Variants in MCL1 observed in about 807,000 individuals in gnomAD.
MCL1 encodes the protein induced myeloid leukemia cell differentiation protein Mcl-1.
Under a neutral mutation model 24.2 loss-of-function variants are expected in MCL1, and 4 were observed. The observed-to-expected ratio is 0.17, with a 90% CI of 0.08 to 0.38. The LOEUF (loss-of-function observed/expected upper bound fraction) is 0.38. MCL1 is among the 10% of genes least tolerant of loss of function. The pLI is 1.00. For missense variants in MCL1, 529 were observed against 480.3 expected, an observed-to-expected ratio of 1.10 and a Z score of -0.95; for synonymous variants, 248 against 214.0, an observed-to-expected ratio of 1.16 and a Z score of -1.39.
At chr1:150,578,671 A>G in intron 1 of MCL1, 172 bp downstream of exon 1, 1 of 1,027,036 alleles carries the variant, frequency 9.7e-7, no homozygotes, top group Non-Finnish European at 1.4e-6. Flanking sequence ...TTCCAAAAGA[A>G]TCAAGATGGG....
rs993300523 is a variant in MCL1, at chr1:150,575,914, C to A, written c.*1461G>T. 2.6e-5 allele frequency: 6 copies of A among 233,468 alleles called. No homozygotes were observed. The highest frequency in any genetic ancestry group is 5.1e-5 in the Non-Finnish European group (6 of 118,044). 14.5% of individuals were successfully genotyped at this position (233,468 alleles called of 1,614,324 possible). On this transcript the variant is annotated 3_prime_UTR_variant, in exon 3 of 3. Transcript: ENST00000369026. Reference sequence around the variant, plus strand: ...ATAGAACAAACATCAAGACTGAAATCCAAAGATGCCAATGCAAAAACTTGC... The same window carrying A: ...ATAGAACAAACATCAAGACTGAAATACAAAGATGCCAATGCAAAAACTTGC...
Position 150,575,545 on chromosome 1 carries a change from C to T in MCL1, c.*1830G>A, listed in dbSNP as rs1162098989. 1.3e-5 allele frequency: 3 copies of T among 233,000 alleles called. No individual in the cohort carries two copies. Among genetic ancestry groups the T allele is most frequent in the African/African-American group, 2.2e-5 (1 of 45,336 alleles). 14.4% of individuals were successfully genotyped at this position (233,000 alleles called of 1,614,324 possible). On this transcript the variant is annotated 3_prime_UTR_variant, in exon 3 of 3. Transcript: ENST00000369026. ...TGAAAATTCCTGAGGGGACTTTTGA[C>T]ACATTGCCCCCAAAGACAGGATAAA...
At position 150,579,458 on chromosome 1, in the gene MCL1, T is replaced by C. The variant is rs1647986714; in HGVS notation, c.73A>G (p.Ser25Gly). ...YCGGAGLGAG[S>G]GGATRPGGRL... Reference sequence around the variant, plus strand: ...CCTCCCGGGCGGGTGGCGCCGCCGCTGCCGGCCCCCAAGCCGGCCCCCCCA... The same window carrying C: ...CCTCCCGGGCGGGTGGCGCCGCCGCCGCCGGCCCCCAAGCCGGCCCCCCCA... The change falls in exon 1 of 3, where the codon AGC becomes GGC. Residue 25 changes from serine to glycine, a missense_variant. Ser to Gly is a moderately conservative substitution (Grantham distance 56). Transcript: ENST00000369026. 2.5e-6 allele frequency: 4 copies of C among 1,592,106 alleles called. No individual in the cohort carries two copies. The highest frequency in any genetic ancestry group is 3.4e-6 in the Non-Finnish European group (4 of 1,171,324).
In MCL1 at chr1:150,579,262, G is replaced by C; in HGVS notation, c.269C>G (p.Thr90Ser). The change falls in exon 1 of 3, where the codon ACC (threonine) becomes AGC (serine). Residue 90 changes from threonine (T) to serine (S), a missense_variant. Physicochemically the swap from Thr to Ser is moderately conservative, Grantham distance 58. Coordinates refer to ENST00000369026, the MANE Select transcript of MCL1 (RefSeq NM_021960.5). ...PPIGAEVPDV[T>S]ATPARLLFFA... ...GAAAAGCAGCCTCGCGGGGGTCGCG[G>C]TGACGTCGGGGACCTCGGCGCCAAT... is the stretch of plus-strand genomic sequence containing the variant. The C allele has an allele frequency of 6.7e-7, 1 of 1,503,444 alleles. No individual in the cohort carries two copies. Among genetic ancestry groups the C allele is most frequent in the Non-Finnish European group, 8.8e-7 (1 of 1,131,598 alleles). The allele number at this position is 1,503,444 out of a possible 1,614,324, so 93.1% of individuals were successfully genotyped here.
At position 150,579,100 on chromosome 1, in the gene MCL1, A is replaced by G. The variant is rs149932083; in HGVS notation, c.431T>C (p.Leu144Pro). Residue 144 changes from leucine to proline, a missense_variant, in exon 1 of 3, where the codon CTG becomes CCG. Leu to Pro is a moderately conservative substitution (Grantham distance 98, BLOSUM62 -3). Coordinates refer to ENST00000369026, the MANE Select transcript of MCL1 (RefSeq NM_021960.5). ...ATTACCAGATTCCCCGACCAACTCC[A>G]GCAGCGGCAGGACAGCCGGCCGCTT... Reference protein sequence around the residue: ...LGKRPAVLPLLELVGESGNNT... With the variant: ...LGKRPAVLPLPELVGESGNNT... The G allele has an allele frequency of 8.5e-4, 1,377 of 1,613,058 alleles. No homozygotes were observed. Among genetic ancestry groups the G allele is most frequent in the Admixed American group, 1.5e-3 (90 of 60,030 alleles).
At position 150,575,849 on chromosome 1, in the gene MCL1, G is replaced by T. The variant is rs972481279; in HGVS notation, c.*1526C>A. The T allele has an allele frequency of 4.3e-6, 1 of 233,350 alleles. No individual in the cohort carries two copies. The allele number at this position is 233,350 out of a possible 1,614,324, so 14.5% of individuals were successfully genotyped here. A position where few individuals can be genotyped will look rare whatever the true frequency, so the allele number is the denominator to read the frequency against. ...ATCTGTAGAGGGAGCAGAACAATCA[G>T]CAATTTCAAGGAAGGACAGGAAATA... is the stretch of plus-strand genomic sequence containing the variant. On this transcript the variant is annotated 3_prime_UTR_variant, in exon 3 of 3. Coordinates refer to ENST00000369026, the MANE Select transcript of MCL1 (RefSeq NM_021960.5).
rs936447757 is a variant in MCL1, at chr1:150,574,596, A to C, written c.*2779T>G. 1 of 231,340 alleles carries C rather than the reference A, an allele frequency of 4.3e-6. No homozygotes were observed. Among genetic ancestry groups the C allele is most frequent in the Non-Finnish European group, 8.6e-6 (1 of 116,714 alleles). The allele number at this position is 231,340 out of a possible 1,614,324, so 14.3% of individuals were successfully genotyped here. On this transcript the variant is annotated 3_prime_UTR_variant, in exon 3 of 3. Coordinates refer to ENST00000369026, the MANE Select transcript of MCL1 (RefSeq NM_021960.5). ...TTTATTTTTTTTTCTCAGGAAAAAC[A>C]GAAAGTTAGGGAAACACACTACATT...
Position 150,577,274 on chromosome 1 carries a change from G to A in MCL1, c.*101C>T, listed in dbSNP as rs2101692915. Reference sequence around the variant, plus strand: ...CTTGCTTTTCTGGCTAGGTTGCTAGGGTGCAACTCTAGGAAGTTACAGCTT... The same window carrying A: ...CTTGCTTTTCTGGCTAGGTTGCTAGAGTGCAACTCTAGGAAGTTACAGCTT... On this transcript the variant is annotated 3_prime_UTR_variant, in exon 3 of 3. Transcript: ENST00000369026. 6.8e-7 allele frequency: 1 copy of A among 1,462,476 alleles called. No homozygotes were observed. Among genetic ancestry groups the A allele is most frequent in the South Asian group, 1.4e-5 (1 of 73,176 alleles). 90.6% of individuals were successfully genotyped at this position (1,462,476 alleles called of 1,614,324 possible).
Position 150,579,244 on chromosome 1 carries a change from A to T in MCL1, c.287T>A (p.Leu96Gln), listed in dbSNP as rs747409478. 1 of 1,533,482 alleles carries T rather than the reference A, an allele frequency of 6.5e-7. No individual in the cohort carries two copies. Among genetic ancestry groups the T allele is most frequent in the East Asian group, 2.3e-5 (1 of 43,182 alleles). 95.0% of individuals were successfully genotyped at this position (1,533,482 alleles called of 1,614,324 possible). ...VPDVTATPAR[L>Q]LFFAPTRRAA... ...GCGGCGGGTGGGCGCGAAGAAAAGC[A>T]GCCTCGCGGGGGTCGCGGTGACGTC... The change falls in exon 1 of 3, where the codon CTG becomes CAG. Residue 96 changes from leucine (L) to glutamine (Q), a missense_variant. By Grantham distance (113) the Leu-to-Gln change is moderately radical (BLOSUM62 -2). Transcript: ENST00000369026.
In MCL1 at chr1:150,579,399, G is replaced by A. The variant is rs2101700456; in HGVS notation, c.132C>T (p.Ala44=). Residue 44 remains alanine, a synonymous_variant, in exon 1 of 3, where the codon GCC becomes GCT. Transcript: ENST00000369026. ...RLLATEKEAS[A]RREIGGGEAG... ...CCTCCCCTCCCCCTATCTCTCGCCG[G>A]GCCGAGGCCTCCTTCTCCGTAGCCA... 1 of 1,562,222 alleles carries A rather than the reference G, an allele frequency of 6.4e-7. No homozygotes were observed. Among genetic ancestry groups the A allele is most frequent in the Non-Finnish European group, 8.6e-7 (1 of 1,159,796 alleles).
chr1:150,575,384 T>C lies in MCL1; in HGVS notation c.*1991A>G, dbSNP rs956930157. On this transcript the variant is annotated 3_prime_UTR_variant, in exon 3 of 3. Transcript: ENST00000369026. ...CTTTCAAATGACCCTAGTTCCAATATAGACACTTTCTTCAGTTTATCAGTA... is the reference window on the plus strand; with the variant it reads ...CTTTCAAATGACCCTAGTTCCAATACAGACACTTTCTTCAGTTTATCAGTA... The C allele has an allele frequency of 1.3e-5, 3 of 232,916 alleles. No individual in the cohort carries two copies. Among genetic ancestry groups the C allele is most frequent in the Non-Finnish European group, 2.5e-5 (3 of 117,678 alleles). 14.4% of individuals were successfully genotyped at this position (232,916 alleles called of 1,614,324 possible).
Position 150,577,446 on chromosome 1 carries a change from T to C in MCL1, c.982A>G (p.Ile328Val). 1.2e-6 allele frequency: 2 copies of C among 1,613,950 alleles called. No homozygotes were observed. Among genetic ancestry groups the C allele is most frequent in the Non-Finnish European group, 1.7e-6 (2 of 1,179,924 alleles). The change falls in exon 3 of 3, where the codon ATC (isoleucine) becomes GTC (valine). Residue 328 changes from isoleucine to valine, a missense_variant. By Grantham distance (29) the Ile-to-Val change is conservative. Transcript: ENST00000369026. ...FFHVEDLEGGIRNVLLAFAGV... is the reference protein window; with the variant it reads ...FFHVEDLEGGVRNVLLAFAGV... ...GCAAAAGCCAGCAGCACATTCCTGA[T>C]GCCACCTTCTAGGTCCTCTACATGG...
In MCL1 at chr1:150,575,262, G is replaced by T. The variant is rs930479277; in HGVS notation, c.*2113C>A. ...TGACCTTATGGCTCTGAGATGGGCA[G>T]GCAGGGCAGTTCTTCCCCATTACAT... is the stretch of plus-strand genomic sequence containing the variant. On this transcript the variant is annotated 3_prime_UTR_variant, in exon 3 of 3. Coordinates refer to ENST00000369026, the MANE Select transcript of MCL1 (RefSeq NM_021960.5). The T allele has an allele frequency of 2.6e-5, 6 of 233,312 alleles. No homozygotes were observed. Among genetic ancestry groups the T allele is most frequent in the Non-Finnish European group, 4.2e-5 (5 of 117,954 alleles). 14.5% of individuals were successfully genotyped at this position (233,312 alleles called of 1,614,324 possible).
chr1:150,577,633 C>CA (rs1314588912), intron 2 of MCL1, 142 bp from the exon 3 acceptor site: 6 of 878,728 alleles, frequency 6.8e-6, no homozygotes, highest in South Asian at 2.1e-5. Flanking sequence ...CACCCCGGGG[C>CA]AAAAAAAGAA....
Position 150,576,882 on chromosome 1 carries a change from TAGAG to T in MCL1, c.*489_*492del, listed in dbSNP as rs781700317. ...TAAGAAGTATACTGGGAAAGCTAAT[TAGAG>T]AGAGGAAAAGCTTCCCTTGTACAGT... is the stretch of plus-strand genomic sequence containing the variant. On this transcript the variant is annotated 3_prime_UTR_variant, in exon 3 of 3. Transcript: ENST00000369026. 9 of 233,566 alleles carry T rather than the reference TAGAG, an allele frequency of 3.9e-5. No individual in the cohort carries two copies. The highest frequency in any genetic ancestry group is 1.5e-4 in the African/African-American group (7 of 45,430). 14.5% of individuals were successfully genotyped at this position (233,566 alleles called of 1,614,324 possible).
At chr1:150,578,062 C>T (rs1397600215) in intron 2 of MCL1, among the ~76,000 whole-genome samples, 182 bp downstream of exon 2, 3 of 152,080 alleles carry the variant, frequency 2.0e-5, no homozygotes, top group Non-Finnish European at 2.9e-5. Context: ...AATTCAAGAC[C>T]GCCATACCAC....
chr1:150,577,240 C>A lies in MCL1; in HGVS notation c.*135G>T. 1 of 1,107,954 alleles carries A rather than the reference C, an allele frequency of 9.0e-7. No individual in the cohort carries two copies. Among genetic ancestry groups the A allele is most frequent in the East Asian group, 2.5e-5 (1 of 40,602 alleles). 68.6% of individuals were successfully genotyped at this position (1,107,954 alleles called of 1,614,324 possible). On this transcript the variant is annotated 3_prime_UTR_variant, in exon 3 of 3. Transcript: ENST00000369026. ...GTATTTATTCTTGTTAGCCATAATC[C>A]TCTTGCCACTTGCTTTTCTGGCTAG...
rs1217413278 is a variant in MCL1 at position 150,576,395 on chromosome 1, G to C, written c.*980C>G. Reference sequence around the variant, plus strand: ...TCCATTCATCAACCTCTCAATCCCAGGTTTTCAAAGAAAAACCTAAGGAAT... The same window carrying C: ...TCCATTCATCAACCTCTCAATCCCACGTTTTCAAAGAAAAACCTAAGGAAT... On this transcript the variant is annotated 3_prime_UTR_variant, in exon 3 of 3. Coordinates refer to ENST00000369026, the MANE Select transcript of MCL1 (RefSeq NM_021960.5). 6.6e-6 allele frequency: 1 copy of C among 150,770 alleles called. No homozygotes were observed. The highest frequency in any genetic ancestry group is 1.2e-5 in the Non-Finnish European group (1 of 84,620). The allele number at this position is 150,770 out of a possible 1,614,324, so 9.3% of individuals were successfully genotyped here. A position where few individuals can be genotyped will look rare whatever the true frequency, so the allele number is the denominator to read the frequency against.
In MCL1 at chr1:150,577,425, A is replaced by G; in HGVS notation, c.1003T>C (p.Phe335Leu). ...EGGIRNVLLA[F>L]AGVAGVGAGL... ...GCTCCTACTCCAGCAACACCTGCAA[A>G]AGCCAGCAGCACATTCCTGATGCCA... is the stretch of plus-strand genomic sequence containing the variant. Residue 335 changes from phenylalanine to leucine, a missense_variant, in exon 3 of 3, where the codon TTT becomes CTT. Physicochemically the swap from Phe to Leu is conservative, Grantham distance 22. Transcript: ENST00000369026. The G allele has an allele frequency of 6.2e-7, 1 of 1,613,938 alleles. No individual in the cohort carries two copies. The highest frequency in any genetic ancestry group is 1.3e-5 in the African/African-American group (1 of 75,020).
Sources: gnomAD v4.1 joint callset for allele counts (sites outside exome capture counted in the v4.1 genomes callset) on GRCh38, gnomAD v4.1.1 for gene constraint, MANE v1.5 for transcripts, NCBI Gene and HGNC (gene_info 2026-07-23, HGNC 2026-07-21) for gene names.